The following PAPPA2 variants were observed in gnomAD, a reference collection of about 807,000 sequenced individuals.
The protein encoded by PAPPA2 is pappalysin 2.
In PAPPA2, 86 loss-of-function variants were observed where a neutral mutation model predicts 176.4. That is an observed-to-expected ratio of 0.49 (90% confidence interval 0.41 to 0.58). The LOEUF is 0.58. Among genes scored for constraint, PAPPA2 ranks in the 20% least tolerant of loss-of-function variants. PAPPA2 has a pLI of 0.00. For synonymous variants in PAPPA2, 809 were observed against 852.2 expected, an observed-to-expected ratio of 0.95 and a Z score of 0.88; for missense variants, 2,073 against 2,256.9, an observed-to-expected ratio of 0.92 and a Z score of 1.65.
At chr1:176,568,356 G>A (rs1225181676) in intron 2 of PAPPA2, among the ~76,000 whole-genome samples, 1 of 152,144 alleles carries the variant, frequency 6.6e-6, no homozygotes, top group Admixed American at 6.5e-5. Flanking sequence ...GCACTACTGT[G>A]GTCTGTTTAC....
At chr1:176,481,076 G>T (rs1369503094) in intron 1 of PAPPA2, among the ~76,000 whole-genome samples, 1 of 152,088 alleles carries the variant, frequency 6.6e-6, no homozygotes, top group Admixed American at 6.5e-5. Flanking sequence ...AAGAGGGGAG[G>T]GTTTCTGAAA....
rs373581665 is a variant in PAPPA2, at chr1:176,692,245, A to G, written c.2551A>G (p.Met851Val). 6.9e-5 allele frequency: 111 copies of G among 1,613,890 alleles called. No individual in the cohort carries two copies. The highest frequency in any genetic ancestry group is 9.1e-5 in the Non-Finnish European group (107 of 1,179,916). ...RKPTPIPIPP[M>V]VIGQTNKSLT... The stretch of plus-strand genomic sequence containing the variant: ...GCCCACCCCCATCCCCATTCCACCT[A>G]TGGTCATCGGACAGACCAACAAGTC... Residue 851 changes from methionine (M) to valine (V), a missense_variant, in exon 6 of 23, where the codon ATG (methionine) becomes GTG (valine). By Grantham distance (21) the Met-to-Val change is conservative (BLOSUM62 1). Around this residue, in one of 4 missense-constraint regions of PAPPA2, gnomAD observed 1,196 missense variants for 1,330.4 expected, o/e 0.90. Coordinates refer to ENST00000367662, the MANE Select transcript of PAPPA2 (RefSeq NM_020318.3).
intron 1 of PAPPA2, among the ~76,000 whole-genome samples, chr1:176,510,822 C>T (rs879413269): frequency 8.0e-5 from 12 of 149,698 alleles, no homozygotes; most frequent in Non-Finnish European, 1.6e-4. Flanking sequence ...CACACACACA[C>T]ACACACACAC....
intron 17 of PAPPA2, among the ~76,000 whole-genome samples, chr1:176,775,543 A>G (rs1286316446): frequency 6.6e-6 from 1 of 152,196 alleles, no homozygotes; most frequent in Non-Finnish European, 1.5e-5. Flanking sequence ...TATGCAAGTT[A>G]ATGGTAACAG....
At chr1:176,627,920 A>T (rs1656120730) in intron 3 of PAPPA2, among the ~76,000 whole-genome samples, 1 of 152,162 alleles carries the variant, frequency 6.6e-6, no homozygotes, top group African/African-American at 2.4e-5. Context: ...TCAGTTGAGG[A>T]TTACTTCAGG....
At chr1:176,683,802 A>G (rs1659702994) in intron 4 of PAPPA2, among the ~76,000 whole-genome samples, 1 of 152,106 alleles carries the variant, frequency 6.6e-6, no homozygotes, top group Admixed American at 6.5e-5. Flanking sequence ...TTAGGAATCT[A>G]TTACCATAAT....
chr1:176,803,670 C>T (rs139717782), intron 21 of PAPPA2, among the ~76,000 whole-genome samples: 10 of 152,298 alleles, frequency 6.6e-5, no homozygotes, highest in African/African-American at 2.4e-4. Context: ...TAATTGCTCT[C>T]CCTTCCTCCA....
Position 176,740,088 on chromosome 1 carries a change from C to G in PAPPA2, c.4043C>G (p.Pro1348Arg). ...TCAGTGCTGCTGAATTTCTCATCCC[C>G]ACGGGTCGGCATCTCAGCTGTGGCT... Reference protein sequence around the residue: ...TTSVLLNFSSPRVGISAVALR... With the variant: ...TTSVLLNFSSRRVGISAVALR... The change falls in exon 14 of 23, where the codon CCA becomes CGA. Residue 1348 changes from proline (P) to arginine (R), a missense_variant. By Grantham distance (103) the Pro-to-Arg change is moderately radical (BLOSUM62 -2). Coordinates refer to ENST00000367662, the MANE Select transcript of PAPPA2 (RefSeq NM_020318.3). The G allele has an allele frequency of 6.2e-7, 1 of 1,613,918 alleles. No individual in the cohort carries two copies.
intron 1 of PAPPA2, among the ~76,000 whole-genome samples, chr1:176,498,170 A>G (rs1447944083): frequency 1.3e-5 from 2 of 151,802 alleles, no homozygotes; most frequent in African/African-American, 4.8e-5. Flanking sequence ...TTTTCTTTTC[A>G]GAGTCCGATA....
At chr1:176,530,915 T>A (rs1057483765) in intron 1 of PAPPA2, among the ~76,000 whole-genome samples, 1 of 152,228 alleles carries the variant, frequency 6.6e-6, no homozygotes, top group African/African-American at 2.4e-5. Flanking sequence ...CTTTTCTTTT[T>A]ATCCCTACAT....
chr1:176,632,737 C>T (rs1345073641), intron 3 of PAPPA2, among the ~76,000 whole-genome samples: 1 of 152,156 alleles, frequency 6.6e-6, no homozygotes, highest in Non-Finnish European at 1.5e-5. Flanking sequence ...TTAGTGTATT[C>T]TTTCTCTCTT....
In PAPPA2 at chr1:176,765,827, G is replaced by A. The variant is rs1298686446; in HGVS notation, c.4313G>A (p.Arg1438Lys). 3 of 1,613,824 alleles carry A rather than the reference G, an allele frequency of 1.9e-6. No individual in the cohort carries two copies. Among genetic ancestry groups the A allele is most frequent in the African/African-American group, 1.3e-5 (1 of 75,032 alleles). Residue 1438 changes from arginine (R) to lysine (K), a missense_variant, in exon 15 of 23, where the codon AGG becomes AAG. Physicochemically the swap from Arg to Lys is conservative, Grantham distance 26. Coordinates refer to ENST00000367662, the MANE Select transcript of PAPPA2 (RefSeq NM_020318.3). ...ALQASSGQYI[R>K]PMQKEILLTC... ...CAGGCCAGCAGTGGGCAGTACATCA[G>A]GCCCATGCAGGTGAGTTGAAAGAAC...
chr1:176,490,629 A>G (rs1647237482), intron 1 of PAPPA2, among the ~76,000 whole-genome samples: 1 of 152,100 alleles, frequency 6.6e-6, no homozygotes, highest in African/African-American at 2.4e-5. Context: ...AGGGATGCAG[A>G]CTCCATTAGT....
At chr1:176,730,617 G>A (rs577999023) in intron 12 of PAPPA2, among the ~76,000 whole-genome samples, 29 of 146,524 alleles carry the variant, frequency 2.0e-4, no homozygotes, top group African/African-American at 5.1e-4. Flanking sequence ...TTTGTATTTC[G>A]TTGATTTCTA....
chr1:176,628,541 A>T (rs756392303), intron 3 of PAPPA2, among the ~76,000 whole-genome samples: 3 of 152,110 alleles, frequency 2.0e-5, no homozygotes, highest in Non-Finnish European at 2.9e-5. Context: ...AGAAAACAAA[A>T]GCCTTTTGTG....
chr1:176,818,472 C>CA, intron 21 of PAPPA2, among the ~76,000 whole-genome samples: 1 of 152,324 alleles, frequency 6.6e-6, no homozygotes, highest in Admixed American at 6.5e-5. Flanking sequence ...CGTCCGGTTG[C>CA]TCAGGACAAA....
chr1:176,499,668 T>A (rs1460786583), intron 1 of PAPPA2, among the ~76,000 whole-genome samples: 2 of 152,164 alleles, frequency 1.3e-5, no homozygotes, highest in Non-Finnish European at 2.9e-5. Flanking sequence ...TCCTTCATAA[T>A]GCTTCCCTCT....
intron 2 of PAPPA2, among the ~76,000 whole-genome samples, chr1:176,580,663 A>G (rs1209192294): frequency 6.6e-6 from 1 of 152,084 alleles, no homozygotes; most frequent in Non-Finnish European, 1.5e-5. Context: ...TCTTTTTAGT[A>G]ATAACCATCC....
chr1:176,626,744 A>T (rs1656044204), intron 3 of PAPPA2, among the ~76,000 whole-genome samples: 1 of 152,204 alleles, frequency 6.6e-6, no homozygotes, highest in African/African-American at 2.4e-5. Flanking sequence ...AGGATTAGGG[A>T]GGACAGCTGG....
Sources: gnomAD v4.1 joint callset for allele counts (sites outside exome capture counted in the v4.1 genomes callset) on GRCh38, gnomAD v4.1.1 for gene constraint, gnomAD v4.1.1 regional missense constraint, MANE v1.5 for transcripts, NCBI Gene and HGNC (gene_info 2026-07-23, HGNC 2026-07-21) for gene names.